Variants in KIRREL3 observed in about 807,000 individuals in gnomAD.
KIRREL3 encodes the protein kirre like nephrin family adhesion molecule 3.
KIRREL3 carries 36 observed loss-of-function variants against 89.7 expected under a neutral mutation model. The ratio of observed to expected loss-of-function variants is 0.40; its 90% CI spans 0.31 to 0.53. The LOEUF is 0.53. Among genes scored for constraint, KIRREL3 ranks in the 20% least tolerant of loss-of-function variants. The probability of loss-of-function intolerance (pLI) is 0.49; values close to 1 mark genes in which losing one functional copy is unlikely to be tolerated. For missense variants in KIRREL3, 864 were observed against 1,056.6 expected (o/e 0.82, Z 2.53); for synonymous variants, 445 against 441.4 (o/e 1.01, Z -0.10).
intron 1 of KIRREL3, among the ~76,000 whole-genome samples, chr11:126,992,928 G>A (rs531245741): frequency 1.8e-4 from 28 of 152,220 alleles, no homozygotes; most frequent in South Asian, 4.2e-4. Flanking sequence ...ACATTCTTTA[G>A]CTAACACATC....
At chr11:126,852,005 C>T (rs981978972) in intron 1 of KIRREL3, among the ~76,000 whole-genome samples, 10 of 150,898 alleles carry the variant, frequency 6.6e-5, no homozygotes, top group Non-Finnish European at 1.5e-4. Flanking sequence ...TTCCATTTGC[C>T]ACTCTTCCAT....
chr11:126,895,450 TAAA>T (rs36085945), intron 1 of KIRREL3, among the ~76,000 whole-genome samples: 13 of 108,142 alleles, frequency 1.2e-4, no homozygotes, highest in South Asian at 6.0e-4. Context: ...CACTGTCTCT[TAAA>T]AAAAAAAAAA....
Position 126,436,996 on chromosome 11 carries a change from T to C in KIRREL3, c.1367A>G (p.Lys456Arg). The C allele has an allele frequency of 1.3e-6, 2 of 1,553,028 alleles. No homozygotes were observed. Among genetic ancestry groups the C allele is most frequent in the Non-Finnish European group, 1.7e-6 (2 of 1,143,518 alleles). ...TGTGCCCGACTCCAGAACGTTCTCC[T>C]TCCAGGACCAGGCCTGCCCGGGGGC... is the stretch of plus-strand genomic sequence containing the variant. The part of the protein sequence containing the change: ...PPPDRIAWSW[K>R]ENVLESGTSG... Residue 456 changes from lysine to arginine, a missense_variant, in exon 12 of 17, where the codon AAG becomes AGG. Coordinates refer to ENST00000525144, the MANE Select transcript of KIRREL3 (RefSeq NM_032531.4).
At chr11:126,670,215 A>G (rs560267119) in intron 1 of KIRREL3, among the ~76,000 whole-genome samples, 8 of 152,336 alleles carry the variant, frequency 5.3e-5, no homozygotes, top group African/African-American at 1.9e-4. Context: ...TAGCAGGCAT[A>G]ATGATTTTAA....
intron 4 of KIRREL3, among the ~76,000 whole-genome samples, chr11:126,507,725 AAG>A (rs1224976455): frequency 6.6e-6 from 1 of 152,190 alleles, no homozygotes; most frequent in Non-Finnish European, 1.5e-5. Flanking sequence ...TATCTAATCA[AAG>A]GTTTTTGAGG....
At position 126,694,044 on chromosome 11, in the gene KIRREL3, G is replaced by A. The variant is rs182435384; in HGVS notation, c.56-131132C>T. On this transcript the variant is annotated intron_variant, in intron 1 of 16. Coordinates refer to ENST00000525144, the MANE Select transcript of KIRREL3 (RefSeq NM_032531.4). The surrounding 1 kb of genome is among the most constrained non-coding windows in gnomAD (Gnocchi z 4.4). ...ACAGGTTGAAGAGGCGGAGGGAAGCGGCACAGCTCACAGTCACACTAGGAC... is the reference window on the plus strand; with the variant it reads ...ACAGGTTGAAGAGGCGGAGGGAAGCAGCACAGCTCACAGTCACACTAGGAC... 1.6e-4 allele frequency among the ~76,000 whole-genome samples: 25 copies of A among 152,298 alleles called. No individual in the cohort carries two copies. In the East Asian group the frequency reaches 1.9e-3, roughly 12 times the overall value.
At position 126,576,317 on chromosome 11, in the gene KIRREL3, C is replaced by T. The variant is rs1322494816; in HGVS notation, c.56-13405G>A. 6.6e-6 allele frequency among the ~76,000 whole-genome samples: 1 copy of T among 152,158 alleles called. No individual in the cohort carries two copies. The highest frequency in any genetic ancestry group is 2.4e-5 in the African/African-American group (1 of 41,420). On this transcript the variant is annotated intron_variant, in intron 1 of 16. Coordinates refer to ENST00000525144, the MANE Select transcript of KIRREL3 (RefSeq NM_032531.4). This position sits in a 1 kb window ranked among gnomAD's most constrained non-coding sequence, Gnocchi z 5.4. The stretch of plus-strand genomic sequence containing the variant: ...AGCTTTATGTAGTTAACCTTCCAGT[C>T]ATTCAGGTTTTTATCTTTGAGTTTA...
rs1036699254 is a variant in KIRREL3, at chr11:126,669,871, T to C, written c.56-106959A>G. ...TGGAGGTCTAATAATTACCGAAAAC[T>C]GTAACATGTACAAAACAGACTTGTA... On this transcript the variant is annotated intron_variant, in intron 1 of 16. Coordinates refer to ENST00000525144, the MANE Select transcript of KIRREL3 (RefSeq NM_032531.4). This position sits in a 1 kb window ranked among gnomAD's most constrained non-coding sequence, Gnocchi z 5.0. 6.6e-6 allele frequency among the ~76,000 whole-genome samples: 1 copy of C among 152,198 alleles called. No homozygotes were observed. The highest frequency in any genetic ancestry group is 1.5e-5 in the Non-Finnish European group (1 of 68,034).
At chr11:126,680,397 G>GATATATATATATATATATATAT (rs150251599) in intron 1 of KIRREL3, among the ~76,000 whole-genome samples, 6 of 144,108 alleles carry the variant, frequency 4.2e-5, no homozygotes, top group African/African-American at 1.6e-4. Flanking sequence ...TTCTACTGGA[G>GATATATATATATATATATATAT]ATATATATAT....
rs1949427657 is a variant in KIRREL3 at position 126,754,409 on chromosome 11, A to G, written c.56-191497T>C. ...TCTATATGTCTGTCTCTGGTCTTCAATTCAGACCGTGTAACTAGGCTGGAT... is the reference window on the plus strand; with the variant it reads ...TCTATATGTCTGTCTCTGGTCTTCAGTTCAGACCGTGTAACTAGGCTGGAT... On this transcript the variant is annotated intron_variant, in intron 1 of 16. Coordinates refer to ENST00000525144, the MANE Select transcript of KIRREL3 (RefSeq NM_032531.4). This position sits in a 1 kb window ranked among gnomAD's most constrained non-coding sequence, Gnocchi z 5.1. Among the ~76,000 whole-genome samples the G allele has an allele frequency of 6.6e-6, 1 of 152,164 alleles. No individual in the cohort carries two copies. Among genetic ancestry groups the G allele is most frequent in the South Asian group, 2.1e-4 (1 of 4,812 alleles).
In KIRREL3 at chr11:126,613,544, T is replaced by C. The variant is rs77745206; in HGVS notation, c.56-50632A>G. On this transcript the variant is annotated intron_variant, in intron 1 of 16. Transcript: ENST00000525144. ...TCCCCTGCTCATGTGTGTCATCCAA[T>C]GCCTGATAACCTTCATTTTTTCCCA... Among the ~76,000 whole-genome samples the C allele has an allele frequency of 5.6e-4, 86 of 152,322 alleles. 1 individual carries two copies. In the East Asian group the frequency reaches 0.015, roughly 27 times the overall value.
intron 2 of KIRREL3, among the ~76,000 whole-genome samples, chr11:126,552,562 T>TG (rs1565544880): frequency 8.7e-5 from 7 of 80,066 alleles, no homozygotes; most frequent in Admixed American, 6.7e-4. Flanking sequence ...TTTTTTTTTT[T>TG]TTTTTTTTTT....
In KIRREL3 at chr11:126,430,173, G is replaced by A. The variant is rs535093335; in HGVS notation, c.1697-885C>T. ...AAGGAAATTCTTGAGGAGCTGGTGC[G>A]GTGGCTCACGCCTGTAATCCCAGCA... On this transcript the variant is annotated intron_variant, in intron 14 of 16. Transcript: ENST00000525144. This position sits in a 1 kb window ranked among gnomAD's most constrained non-coding sequence, Gnocchi z 6.6. 5.9e-5 allele frequency among the ~76,000 whole-genome samples: 9 copies of A among 151,794 alleles called. No homozygotes were observed. Among genetic ancestry groups the A allele is most frequent in the African/African-American group, 1.9e-4 (8 of 41,314 alleles).
chr11:126,643,710 A>G lies in KIRREL3; in HGVS notation c.56-80798T>C, dbSNP rs1944557782. On this transcript the variant is annotated intron_variant, in intron 1 of 16. Coordinates refer to ENST00000525144, the MANE Select transcript of KIRREL3 (RefSeq NM_032531.4). The surrounding 1 kb of genome is among the most constrained non-coding windows in gnomAD (Gnocchi z 4.5). ...CTGAAGATGAATTGGAGATAGGGAG[A>G]GGAGTTTGGAGGCAGCAGTAATCTC... Among the ~76,000 whole-genome samples, 1 of 152,176 alleles carries G rather than the reference A, an allele frequency of 6.6e-6. No homozygotes were observed. Among genetic ancestry groups the G allele is most frequent in the Admixed American group, 6.5e-5 (1 of 15,270 alleles).
intron 1 of KIRREL3, among the ~76,000 whole-genome samples, chr11:126,933,311 G>A (rs190142274): frequency 6.6e-6 from 1 of 151,980 alleles, no homozygotes; most frequent in Non-Finnish European, 1.5e-5. Context: ...AAAAATAAGT[G>A]AGTGAGCCTA....
At chr11:126,602,364 C>T (rs958157694) in intron 1 of KIRREL3, among the ~76,000 whole-genome samples, 9 of 152,180 alleles carry the variant, frequency 5.9e-5, no homozygotes, top group Non-Finnish European at 1.2e-4. Context: ...GCCTCTGGTC[C>T]TCTGCCCTTT....
intron 11 of KIRREL3, among the ~76,000 whole-genome samples, chr11:126,437,867 C>T (rs1405741339): frequency 1.3e-5 from 2 of 152,188 alleles, no homozygotes; most frequent in Admixed American, 1.3e-4. Flanking sequence ...TGTGTACTTA[C>T]AGGTACACAC....
chr11:126,430,968 T>G lies in KIRREL3; in HGVS notation c.1696+451A>C, dbSNP rs1018653390. On this transcript the variant is annotated intron_variant, in intron 14 of 16. Coordinates refer to ENST00000525144, the MANE Select transcript of KIRREL3 (RefSeq NM_032531.4). The surrounding 1 kb of genome is among the most constrained non-coding windows in gnomAD (Gnocchi z 6.6). ...AGTTTTCTCAAAGCAATTCCTTTATTGCTTCCCCACCCACTCCCCCACAGC... is the reference window on the plus strand; with the variant it reads ...AGTTTTCTCAAAGCAATTCCTTTATGGCTTCCCCACCCACTCCCCCACAGC... 9.4e-7 allele frequency: 1 copy of G among 1,067,368 alleles called. No individual in the cohort carries two copies. The highest frequency in any genetic ancestry group is 1.7e-5 in the African/African-American group (1 of 60,392). 66.1% of individuals were successfully genotyped at this position (1,067,368 alleles called of 1,614,324 possible).
chr11:126,446,729 G>T, intron 9 of KIRREL3, 30 bp downstream of exon 9: 1 of 1,583,088 alleles, frequency 6.3e-7, no homozygotes, highest in African/African-American at 1.3e-5. Context: ...CCCTGCCAGA[G>T]GTGCCCCGAG....
Sources: gnomAD v4.1 joint callset for allele counts (sites outside exome capture counted in the v4.1 genomes callset) on GRCh38, gnomAD v4.1.1 for gene constraint, Gnocchi (gnomAD v3.1) non-coding constraint, MANE v1.5 for transcripts, NCBI Gene and HGNC (gene_info 2026-07-23, HGNC 2026-07-21) for gene names.